HS3ST4: variants seen among roughly 807,000 people sequenced by gnomAD.
The protein encoded by HS3ST4 is heparan sulfate-glucosamine 3-sulfotransferase 4.
Under a neutral mutation model 29.2 loss-of-function variants are expected in HS3ST4, and 17 were observed. That is an observed-to-expected ratio of 0.58 (90% CI 0.40 to 0.87). HS3ST4 has a LOEUF of 0.87. Among genes scored for constraint, HS3ST4 ranks in the 40% least tolerant of loss-of-function variants. The pLI is 0.00. For missense variants in HS3ST4, 627 were observed against 634.5 expected (o/e 0.99, Z 0.13); for synonymous variants, 314 against 285.7 (o/e 1.10, Z -1.00).
intron 1 of HS3ST4, among the ~76,000 whole-genome samples, chr16:26,052,047 G>A (rs1898354791): frequency 6.6e-6 from 1 of 151,926 alleles, no homozygotes; most frequent in Non-Finnish European, 1.5e-5. Flanking sequence ...TTGACCTGCT[G>A]GGTAAACTAA....
intron 1 of HS3ST4, among the ~76,000 whole-genome samples, chr16:26,010,557 C>G (rs956669287): frequency 1.3e-5 from 2 of 151,934 alleles, no homozygotes; most frequent in Non-Finnish European, 2.9e-5. Flanking sequence ...TTAAGGAAAC[C>G]TGGGAACCTA....
chr16:25,968,951 CTG>C (rs1282042070), intron 1 of HS3ST4, among the ~76,000 whole-genome samples: 1 of 152,154 alleles, frequency 6.6e-6, no homozygotes, highest in Admixed American at 6.5e-5. Context: ...TCCCGAGTAG[CTG>C]GGATTACAGG....
intron 1 of HS3ST4, among the ~76,000 whole-genome samples, chr16:26,098,217 A>G (rs1898951101): frequency 6.6e-6 from 1 of 152,244 alleles, no homozygotes; most frequent in African/African-American, 2.4e-5. Context: ...CATTTGACCC[A>G]GCAATCCCAT....
intron 1 of HS3ST4, among the ~76,000 whole-genome samples, chr16:26,066,660 AG>A (rs1383823106): frequency 6.6e-6 from 1 of 152,192 alleles, no homozygotes; most frequent in East Asian, 1.9e-4. Flanking sequence ...TGCAGTGTTG[AG>A]ACACTTGAAA....
intron 1 of HS3ST4, among the ~76,000 whole-genome samples, chr16:25,992,334 T>C (rs1362042432): frequency 1.3e-5 from 2 of 152,184 alleles, no homozygotes; most frequent in Non-Finnish European, 2.9e-5. Context: ...AAATTGATGT[T>C]CTAAGCTGAG....
intron 1 of HS3ST4, among the ~76,000 whole-genome samples, chr16:25,843,584 A>G (rs12934765): frequency 0.11 from 16,248 of 152,246 alleles, 1,081 homozygotes; most frequent in Middle Eastern, 0.17. Flanking sequence ...ATTGCAGGGA[A>G]AAAGGAATGG....
At chr16:25,996,488 A>AT (rs1470194722) in intron 1 of HS3ST4, among the ~76,000 whole-genome samples, 1 of 152,090 alleles carries the variant, frequency 6.6e-6, no homozygotes, top group African/African-American at 2.4e-5. Context: ...CCATTTTATT[A>AT]TTTTTTTACC....
chr16:25,696,845 G>A (rs1173561610), intron 1 of HS3ST4, among the ~76,000 whole-genome samples: 3 of 152,048 alleles, frequency 2.0e-5, no homozygotes, highest in Non-Finnish European at 2.9e-5. Context: ...CCGAATGCCT[G>A]CCATTGTGGC....
chr16:25,741,960 T>C (rs1236280107), intron 1 of HS3ST4, among the ~76,000 whole-genome samples: 2 of 152,098 alleles, frequency 1.3e-5, no homozygotes, highest in Admixed American at 1.3e-4. Flanking sequence ...CTAAGATCTA[T>C]GGTTAAAAAA....
chr16:25,787,979 G>A (rs1048580016), intron 1 of HS3ST4, among the ~76,000 whole-genome samples: 8 of 152,166 alleles, frequency 5.3e-5, no homozygotes, highest in Non-Finnish European at 1.0e-4. Context: ...AAAGCTGGAA[G>A]TGGCCTTGGA....
intron 1 of HS3ST4, among the ~76,000 whole-genome samples, chr16:25,964,030 C>T (rs1298543277): frequency 6.6e-6 from 1 of 152,036 alleles, no homozygotes; most frequent in Non-Finnish European, 1.5e-5. Context: ...CAAAAATTAG[C>T]TGGGCATGGT....
intron 1 of HS3ST4, among the ~76,000 whole-genome samples, chr16:25,746,501 A>G (rs1423289895): frequency 7.2e-5 from 11 of 152,162 alleles, no homozygotes; most frequent in Non-Finnish European, 1.5e-5. Flanking sequence ...GTAGTCAGAA[A>G]GAAGGCGATA....
intron 1 of HS3ST4, among the ~76,000 whole-genome samples, chr16:25,767,360 G>A (rs187563624): frequency 2.4e-4 from 37 of 152,220 alleles, no homozygotes; most frequent in African/African-American, 8.7e-4. Flanking sequence ...GCAAACAGAT[G>A]TGTCAAATTA....
chr16:26,057,182 G>A (rs1226201927), intron 1 of HS3ST4, among the ~76,000 whole-genome samples: 1 of 152,186 alleles, frequency 6.6e-6, no homozygotes, highest in African/African-American at 2.4e-5. Flanking sequence ...AACACCTCTG[G>A]TCACAAGCAT....
chr16:25,757,504 T>G (rs903948444), intron 1 of HS3ST4, among the ~76,000 whole-genome samples: 1 of 151,498 alleles, frequency 6.6e-6, no homozygotes, highest in African/African-American at 2.4e-5. Context: ...GGGTGCTCAC[T>G]TTATGTCTCT....
chr16:25,808,193 A>G (rs868589020), intron 1 of HS3ST4, among the ~76,000 whole-genome samples: 1 of 152,206 alleles, frequency 6.6e-6, no homozygotes, highest in Non-Finnish European at 1.5e-5. Flanking sequence ...AAGTCTAAGA[A>G]TTCTTTGCCT....
chr16:25,850,816 T>C (rs143119592), intron 1 of HS3ST4, among the ~76,000 whole-genome samples: 303 of 152,292 alleles, frequency 2.0e-3, no homozygotes, highest in African/African-American at 6.7e-3. Context: ...TCGTTGTGTC[T>C]GGAAACTATT....
chr16:25,861,975 A>T (rs546274685), intron 1 of HS3ST4, among the ~76,000 whole-genome samples: 1 of 152,192 alleles, frequency 6.6e-6, no homozygotes, highest in South Asian at 2.1e-4. Context: ...CCATTTTGGC[A>T]CTAGGGATGG....
chr16:25,828,288 C>CTT (rs1567249447), intron 1 of HS3ST4, among the ~76,000 whole-genome samples: 2 of 88,410 alleles, frequency 2.3e-5, no homozygotes, highest in Non-Finnish European at 2.2e-5. Context: ...TTCTTTCTTT[C>CTT]TTTCTTTCTT....
Sources: allele counts gnomAD v4.1 joint callset (sites outside exome capture counted in the v4.1 genomes callset), GRCh38; gene constraint gnomAD v4.1.1; transcripts MANE v1.5; gene names NCBI Gene and HGNC (gene_info 2026-07-23, HGNC 2026-07-21).